GAD2: variants seen among roughly 807,000 people sequenced by gnomAD.
GAD2 encodes the protein 65 kDa glutamic acid decarboxylase.
Under a neutral mutation model 80.1 loss-of-function variants are expected in GAD2, and 22 were observed. The ratio of observed to expected loss-of-function variants is 0.27; its 90% confidence interval spans 0.20 to 0.39. GAD2 has a LOEUF of 0.39. Among genes scored for constraint, GAD2 ranks in the 10% least tolerant of loss-of-function variants. The pLI is 1.00. For missense variants in GAD2, 624 were observed against 738.4 expected (o/e 0.85, Z 1.80); for synonymous variants, 274 against 256.9 (o/e 1.07, Z -0.64).
At chr10:26,285,778 T>C (rs1845325326) in intron 12 of GAD2, among the ~76,000 whole-genome samples, 1 of 152,054 alleles carries the variant, frequency 6.6e-6, no homozygotes. Context: ...GTTTTTTTTT[T>C]TTTTAGATTT....
chr10:26,296,352 A>G (rs1017721391), intron 15 of GAD2, among the ~76,000 whole-genome samples: 3 of 152,250 alleles, frequency 2.0e-5, no homozygotes, highest in Admixed American at 6.5e-5. Context: ...AACAACATTT[A>G]GGAAACCTAA....
chr10:26,230,563 T>G (rs1292027397), intron 7 of GAD2, among the ~76,000 whole-genome samples: 1 of 152,142 alleles, frequency 6.6e-6, no homozygotes, highest in Non-Finnish European at 1.5e-5. Context: ...GCCTCCTGGA[T>G]AGCAGGGACT....
At chr10:26,279,889 C>T (rs1216645579) in intron 11 of GAD2, among the ~76,000 whole-genome samples, 1 of 152,280 alleles carries the variant, frequency 6.6e-6, no homozygotes, top group Middle Eastern at 3.4e-3. Flanking sequence ...AGGGGCCTTG[C>T]CAGAAGCTAC....
chr10:26,250,877 C>CTTTTT (rs1181428173), intron 8 of GAD2, among the ~76,000 whole-genome samples: 9 of 112,954 alleles, frequency 8.0e-5, no homozygotes, highest in Non-Finnish European at 1.1e-4. Flanking sequence ...GTTTTTTTTC[C>CTTTTT]TTTTTTTTTT....
chr10:26,300,796 A>G lies in GAD2; in HGVS notation c.1593A>G (p.Pro531=), dbSNP rs562413161. The G allele has an allele frequency of 2.5e-6, 4 of 1,613,654 alleles. No homozygotes were observed. Among genetic ancestry groups the G allele is most frequent in the African/African-American group, 1.3e-5 (1 of 75,038 alleles). The change falls in exon 16 of 16, where the codon CCA becomes CCG. Residue 531 remains proline (P), a synonymous_variant. Transcript: ENST00000376261. ...TATGGTCTGTCCCACAGGTGGCTCCAGTGATTAAAGCCAGAATGATGGAGT... is the reference window on the plus strand; with the variant it reads ...TATGGTCTGTCCCACAGGTGGCTCCGGTGATTAAAGCCAGAATGATGGAGT... The part of the protein sequence containing the change: ...ERMSRLSKVA[P]VIKARMMEYG...
chr10:26,248,801 T>C (rs1465198596), intron 8 of GAD2, among the ~76,000 whole-genome samples: 1 of 151,648 alleles, frequency 6.6e-6, no homozygotes, highest in African/African-American at 2.4e-5. Flanking sequence ...GAACATAGCT[T>C]TGCAATCAGA....
intron 7 of GAD2, among the ~76,000 whole-genome samples, chr10:26,235,982 G>T (rs12253114): frequency 2.0e-5 from 3 of 152,002 alleles, no homozygotes; most frequent in Non-Finnish European, 2.9e-5. Flanking sequence ...TAACTAATTC[G>T]CTCCGCTCTT....
intron 15 of GAD2, among the ~76,000 whole-genome samples, chr10:26,293,398 G>A (rs1489117996): frequency 2.0e-5 from 3 of 151,868 alleles, no homozygotes; most frequent in Non-Finnish European, 4.4e-5. Flanking sequence ...GGCTGGTCTC[G>A]AACTCCTGAC....
chr10:26,257,649 G>A (rs1044940848), intron 8 of GAD2, among the ~76,000 whole-genome samples: 1 of 152,094 alleles, frequency 6.6e-6, no homozygotes, highest in African/African-American at 2.4e-5. Flanking sequence ...CTACTAGTAG[G>A]TATTAGCTAC....
Position 26,269,182 on chromosome 10 carries a change from C to T in GAD2, c.975+9C>T. ...TTGAAGCCAAACAGAAAGTAAGTTT[C>T]TGCCGGGAGCTTTATCCAGCCCATA... On this transcript the variant is annotated intron_variant, in intron 9 of 15. Coordinates refer to ENST00000376261, the MANE Select transcript of GAD2 (RefSeq NM_001134366.2). The T allele has an allele frequency of 1.3e-6, 2 of 1,591,520 alleles. No individual in the cohort carries two copies. Among genetic ancestry groups the T allele is most frequent in the Middle Eastern group, 1.7e-4 (1 of 5,996 alleles).
intron 11 of GAD2, among the ~76,000 whole-genome samples, chr10:26,279,757 C>T (rs1217185761): frequency 6.6e-6 from 1 of 152,182 alleles, no homozygotes; most frequent in East Asian, 1.9e-4. Flanking sequence ...GATGAGAGAG[C>T]ATCAAATTTC....
At chr10:26,293,051 C>G in intron 15 of GAD2, 60 bp downstream of exon 15, 1 of 1,340,884 alleles carries the variant, frequency 7.5e-7, no homozygotes, top group Non-Finnish European at 1.1e-6. Flanking sequence ...TGCACATCTT[C>G]TTTATGACAT....
rs528683204 is a variant in GAD2 at position 26,227,669 on chromosome 10, A to T, written c.725-1993A>T. On this transcript the variant is annotated intron_variant, in intron 6 of 15. Transcript: ENST00000376261. ...GTGCTATGGGCATCTGGTGGGTAGA[A>T]ACCAGGGATGCTGCTCAACACTTTA... Among the ~76,000 whole-genome samples the T allele has an allele frequency of 3.9e-5, 6 of 152,302 alleles. No individual in the cohort carries two copies. In the South Asian group the frequency reaches 1.2e-3, roughly 32 times the overall value.
chr10:26,216,642 C>A, upstream of GAD2: 1 of 490,604 alleles, frequency 2.0e-6, no homozygotes, highest in South Asian at 2.9e-5. The surrounding 1 kb of genome is among the most constrained non-coding windows in gnomAD (Gnocchi z 4.7). Flanking sequence ...CACAGACACG[C>A]ACGTTTTCTG....
chr10:26,293,943 A>C (rs977691051), intron 15 of GAD2, among the ~76,000 whole-genome samples: 1 of 152,200 alleles, frequency 6.6e-6, no homozygotes, highest in Admixed American at 6.5e-5. Flanking sequence ...AATCTCGCAG[A>C]AAGTCTGCAT....
At chr10:26,272,728 G>T (rs1436284506) in intron 10 of GAD2, among the ~76,000 whole-genome samples, 1 of 152,120 alleles carries the variant, frequency 6.6e-6, no homozygotes, top group Non-Finnish European at 1.5e-5. Context: ...GCCAGGCATG[G>T]TGGTGGGTGC....
intron 7 of GAD2, among the ~76,000 whole-genome samples, chr10:26,243,993 T>C (rs1295454952): frequency 6.6e-6 from 1 of 152,222 alleles, no homozygotes; most frequent in Non-Finnish European, 1.5e-5. Context: ...TTCCAGCATC[T>C]TTCCAGTTTC....
chr10:26,258,756 A>C (rs991992747), intron 8 of GAD2, among the ~76,000 whole-genome samples: 2 of 77,678 alleles, frequency 2.6e-5, no homozygotes, highest in African/African-American at 5.1e-5. Context: ...TGTGTAGATC[A>C]CATTTTGTTT....
intron 15 of GAD2, among the ~76,000 whole-genome samples, chr10:26,297,163 G>A (rs1042125414): frequency 2.0e-5 from 3 of 152,186 alleles, no homozygotes; most frequent in Admixed American, 2.0e-4. Context: ...CTGACCTTAA[G>A]TGATCGGCTC....
Sources: gnomAD v4.1 joint callset for allele counts (sites outside exome capture counted in the v4.1 genomes callset) on GRCh38, gnomAD v4.1.1 for gene constraint, Gnocchi (gnomAD v3.1) non-coding constraint, MANE v1.5 for transcripts, NCBI Gene and HGNC (gene_info 2026-07-23, HGNC 2026-07-21) for gene names.